The following ASXL2 variants were observed in gnomAD, a reference collection of about 807,000 sequenced individuals.
The protein encoded by ASXL2 is putative Polycomb group protein ASXL2.
A neutral mutation model predicts 122.0 loss-of-function variants in ASXL2; 23 were observed. The observed-to-expected ratio is 0.19, with a 90% CI of 0.14 to 0.27. The LOEUF (loss-of-function observed/expected upper bound fraction) is 0.27, where lower values mean the gene tolerates loss of function less well. ASXL2 is among the 10% of genes least tolerant of loss of function. ASXL2 has a pLI of 1.00. For synonymous variants in ASXL2, 650 were observed against 637.0 expected, an observed-to-expected ratio of 1.02 and a Z score of -0.31; for missense variants, 1,518 against 1,713.8, an observed-to-expected ratio of 0.89 and a Z score of 2.02.
intron 3 of ASXL2, among the ~76,000 whole-genome samples, chr2:25,829,469 C>T (rs563242386): frequency 2.0e-4 from 31 of 152,290 alleles, no homozygotes; most frequent in South Asian, 4.2e-4. Context: ...ACAGAAATTT[C>T]GCAATTTTAT....
At chr2:25,746,382 A>C (rs1482946775) in intron 12 of ASXL2, among the ~76,000 whole-genome samples, 1 of 152,122 alleles carries the variant, frequency 6.6e-6, no homozygotes, top group East Asian at 1.9e-4. Flanking sequence ...TTCACATCCA[A>C]TTCGAACAAG....
chr2:25,843,958 T>C (rs752174780), intron 2 of ASXL2, among the ~76,000 whole-genome samples: 13 of 152,180 alleles, frequency 8.5e-5, no homozygotes, highest in Non-Finnish European at 1.6e-4. Context: ...GGGAACACTA[T>C]TGGCACCTGA....
intron 5 of ASXL2, among the ~76,000 whole-genome samples, chr2:25,777,228 C>G (rs1253901470): frequency 6.6e-6 from 1 of 152,054 alleles, no homozygotes; most frequent in African/African-American, 2.4e-5. Flanking sequence ...GCTGGGACCA[C>G]AGGTATGTGT....
rs570152130 is a variant in ASXL2, at chr2:25,863,325, T to C, written c.57+14841A>G. 2.2e-3 allele frequency among the ~76,000 whole-genome samples: 290 copies of C among 131,040 alleles called. 4 individuals are homozygous for C. The highest frequency in any genetic ancestry group is 8.1e-3 in the African/African-American group (281 of 34,564). 86.0% of individuals were successfully genotyped at this position (131,040 alleles called of 152,430 possible). On this transcript the variant is annotated intron_variant, in intron 1 of 12. Transcript: ENST00000435504. ...AGCCTGGCAACAGAGCGAGACTCCA[T>C]CTCCAAAAAAAAAAAAAAATTCTCA...
chr2:25,745,216 CTTTT>C (rs58245687), intron 12 of ASXL2, among the ~76,000 whole-genome samples: 1 of 142,902 alleles, frequency 7.0e-6, no homozygotes, highest in Non-Finnish European at 1.5e-5. Flanking sequence ...CCTAGGAAGT[CTTTT>C]TTTTTTTTTT....
At chr2:25,832,159 C>T (rs1357533593) in intron 3 of ASXL2, among the ~76,000 whole-genome samples, 1 of 152,180 alleles carries the variant, frequency 6.6e-6, no homozygotes, top group Non-Finnish European at 1.5e-5. Context: ...GTATATACCA[C>T]AGACTATGCT....
intron 5 of ASXL2, among the ~76,000 whole-genome samples, chr2:25,792,192 G>A (rs150993864): frequency 8.5e-5 from 13 of 152,234 alleles, no homozygotes; most frequent in Non-Finnish European, 1.8e-4. Context: ...GTAGAGACAG[G>A]AGTCTCACTA....
chr2:25,856,543 G>T, intron 1 of ASXL2: 1 of 1,125,434 alleles, frequency 8.9e-7, no homozygotes, highest in Non-Finnish European at 1.3e-6. Flanking sequence ...CAAATGAGTT[G>T]GTTGTATTTC....
chr2:25,790,800 CTTTTTTTTTT>C (rs35046164), intron 5 of ASXL2, among the ~76,000 whole-genome samples: 5 of 108,854 alleles, frequency 4.6e-5, no homozygotes, highest in Admixed American at 1.0e-4. Context: ...AGTTTTTTGT[CTTTTTTTTTT>C]TTTTTTTTTT....
intron 10 of ASXL2, among the ~76,000 whole-genome samples, chr2:25,755,753 G>A (rs756134485): frequency 1.3e-5 from 2 of 152,106 alleles, no homozygotes; most frequent in Non-Finnish European, 2.9e-5. Context: ...GAATCTTTAG[G>A]AGCAGGGCCC....
rs2088126669 is a variant in ASXL2 at position 25,756,011 on chromosome 2, C to G, written c.1036+7G>C. 7 of 1,609,286 alleles carry G rather than the reference C, an allele frequency of 4.3e-6. No homozygotes were observed. The highest frequency in any genetic ancestry group is 4.3e-6 in the Non-Finnish European group (5 of 1,175,706). On this transcript the variant is annotated splice_region_variant and intron_variant, in intron 10 of 12. Transcript: ENST00000435504. Reference sequence around the variant, plus strand: ...CACCTGGGAGACACATTAAGTAGAGCACTTACCTTCTGAGAGTCTTTCCTT... The same window carrying G: ...CACCTGGGAGACACATTAAGTAGAGGACTTACCTTCTGAGAGTCTTTCCTT...
intron 1 of ASXL2, among the ~76,000 whole-genome samples, chr2:25,857,275 C>T (rs181988500): frequency 6.6e-6 from 1 of 152,160 alleles, no homozygotes; most frequent in East Asian, 1.9e-4. Context: ...GGAAGTGACA[C>T]GTATTACTTC....
At chr2:25,832,371 GA>G (rs1271766429) in intron 3 of ASXL2, among the ~76,000 whole-genome samples, 1 of 151,732 alleles carries the variant, frequency 6.6e-6, no homozygotes, top group East Asian at 1.9e-4. Context: ...GACATACAAA[GA>G]AATACAATAC....
chr2:25,750,473 C>T, intron 11 of ASXL2, 60 bp from the exon 12 acceptor site: 2 of 1,413,432 alleles, frequency 1.4e-6, no homozygotes, highest in East Asian at 4.6e-5. Context: ...CGAAAGCATT[C>T]ATTAATAGAG....
Position 25,767,609 on chromosome 2 carries a change from A to T in ASXL2, c.749T>A (p.Phe250Tyr). The T allele has an allele frequency of 6.2e-7, 1 of 1,613,956 alleles. No individual in the cohort carries two copies. Among genetic ancestry groups the T allele is most frequent in the Non-Finnish European group, 8.5e-7 (1 of 1,179,850 alleles). The change falls in exon 8 of 13, where the codon TTC (phenylalanine) becomes TAC (tyrosine). Residue 250 changes from phenylalanine (F) to tyrosine (Y), a missense_variant. This residue lies in a region of ASXL2 where 198 missense variants were observed against 209.0 expected (regional missense o/e 0.95). Coordinates refer to ENST00000435504, the MANE Select transcript of ASXL2 (RefSeq NM_018263.6). ...GGTATGGAGTCTCTCAGATCTCTGGAATGACTTCTTCCCCAAGCCTAGTAA... is the reference window on the plus strand; with the variant it reads ...GGTATGGAGTCTCTCAGATCTCTGGTATGACTTCTTCCCCAAGCCTAGTAA... The part of the protein sequence containing the change: ...NTLLGLGKKS[F>Y]QRSERLHTRQ...
At chr2:25,791,547 T>G (rs984150982) in intron 5 of ASXL2, among the ~76,000 whole-genome samples, 9 of 151,152 alleles carry the variant, frequency 6.0e-5, no homozygotes, top group Non-Finnish European at 1.2e-4. Flanking sequence ...AGACTATCAC[T>G]AAAGGTTAAC....
chr2:25,851,242 C>T (rs2089713841), intron 1 of ASXL2, among the ~76,000 whole-genome samples: 1 of 151,946 alleles, frequency 6.6e-6, no homozygotes, highest in Non-Finnish European at 1.5e-5. Flanking sequence ...TTCTGGCATG[C>T]TCCAAAGGTG....
chr2:25,794,313 T>C (rs2149168781), intron 5 of ASXL2, among the ~76,000 whole-genome samples: 1 of 152,310 alleles, frequency 6.6e-6, no homozygotes, highest in Admixed American at 6.5e-5. Context: ...AACAAAACTT[T>C]TTCTATCAGA....
intron 3 of ASXL2, among the ~76,000 whole-genome samples, chr2:25,835,029 G>T (rs973758152): frequency 6.6e-6 from 1 of 151,914 alleles, no homozygotes; most frequent in Admixed American, 6.6e-5. Flanking sequence ...TCACCATATT[G>T]GTCAGGCTAG....
Sources: allele counts gnomAD v4.1 joint callset (sites outside exome capture counted in the v4.1 genomes callset), GRCh38; gene constraint gnomAD v4.1.1; regional missense constraint gnomAD v4.1.1; transcripts MANE v1.5; gene names NCBI Gene and HGNC (gene_info 2026-07-23, HGNC 2026-07-21).